The following TBCK variants were observed in gnomAD, a reference collection of about 807,000 sequenced individuals.
TBCK encodes the protein TBC domain-containing protein kinase-like protein.
TBCK carries 99 observed loss-of-function variants against 113.4 expected under a neutral mutation model. That is an observed-to-expected ratio of 0.87 (90% CI 0.74 to 1.03). The LOEUF (loss-of-function observed/expected upper bound fraction) is 1.03. TBCK is among the 50% of genes least tolerant of loss of function. TBCK has a pLI of 0.00. For missense variants in TBCK, 1,045 were observed against 1,061.3 expected, an observed-to-expected ratio of 0.98 and a Z score of 0.21; for synonymous variants, 369 against 370.8, an observed-to-expected ratio of 1.00 and a Z score of 0.05.
At chr4:106,189,644 TAG>T (rs1753438946) in intron 22 of TBCK, among the ~76,000 whole-genome samples, 1 of 152,198 alleles carries the variant, frequency 6.6e-6, no homozygotes, top group African/African-American at 2.4e-5. Flanking sequence ...GAAAAAAATG[TAG>T]AGAGATCAGA....
At chr4:106,120,347 G>A (rs2149583216) in intron 23 of TBCK, among the ~76,000 whole-genome samples, 1 of 152,220 alleles carries the variant, frequency 6.6e-6, no homozygotes, top group East Asian at 1.9e-4. Flanking sequence ...TGCTAGCACA[G>A]CAGTCTGAGA....
At chr4:106,174,503 C>T (rs1253323461) in intron 22 of TBCK, among the ~76,000 whole-genome samples, 2 of 151,976 alleles carry the variant, frequency 1.3e-5, no homozygotes, top group African/African-American at 4.8e-5. Flanking sequence ...ACATGATTTT[C>T]TGTTTCTCTG....
chr4:106,188,933 A>G (rs2149799854), intron 22 of TBCK, among the ~76,000 whole-genome samples: 1 of 152,226 alleles, frequency 6.6e-6, no homozygotes, highest in South Asian at 2.1e-4. Context: ...ATTAGCTTGG[A>G]GGTGATGTAT....
chr4:106,130,728 G>A (rs1745801734), intron 23 of TBCK, among the ~76,000 whole-genome samples: 1 of 151,876 alleles, frequency 6.6e-6, no homozygotes, highest in East Asian at 1.9e-4. Context: ...CATTAATGAT[G>A]AGCTACTTTT....
chr4:106,087,254 TG>T (rs1739622680), intron 25 of TBCK, among the ~76,000 whole-genome samples: 1 of 152,190 alleles, frequency 6.6e-6, no homozygotes, highest in African/African-American at 2.4e-5. Context: ...AAAAAATCAA[TG>T]TGCAAAAATC....
chr4:106,124,171 C>G (rs1431800057), intron 23 of TBCK, among the ~76,000 whole-genome samples: 1 of 152,120 alleles, frequency 6.6e-6, no homozygotes, highest in Non-Finnish European at 1.5e-5. Flanking sequence ...ACAAACAACC[C>G]CATCAACAAG....
intron 24 of TBCK, among the ~76,000 whole-genome samples, chr4:106,108,212 T>A (rs762329778): frequency 1.7e-4 from 26 of 152,146 alleles, no homozygotes; most frequent in Non-Finnish European, 3.4e-4. Context: ...ACTGTGACTA[T>A]TCCAAAAAAA....
intron 23 of TBCK, among the ~76,000 whole-genome samples, chr4:106,143,256 T>C (rs1027052383): frequency 2.0e-5 from 3 of 152,178 alleles, no homozygotes; most frequent in African/African-American, 7.2e-5. Context: ...TCTGGGTGTT[T>C]TTCCTGCCCC....
chr4:106,280,395 A>G (rs570326000), intron 3 of TBCK, among the ~76,000 whole-genome samples: 31 of 152,022 alleles, frequency 2.0e-4, no homozygotes, highest in South Asian at 6.2e-4. Context: ...CACTTTTTAA[A>G]TTGTTTCCTT....
intron 22 of TBCK, among the ~76,000 whole-genome samples, chr4:106,177,622 T>C (rs563274285): frequency 8.9e-4 from 136 of 152,126 alleles, no homozygotes; most frequent in African/African-American, 3.2e-3. Context: ...GGCACCTGTG[T>C]CAAAAGTAAG....
intron 24 of TBCK, among the ~76,000 whole-genome samples, chr4:106,106,356 C>T (rs368917827): frequency 2.4e-4 from 37 of 152,104 alleles, no homozygotes; most frequent in African/African-American, 5.8e-4. Context: ...TTTCCAAGGT[C>T]GAAATGAGAG....
chr4:106,102,621 C>T (rs1315848311), intron 24 of TBCK, among the ~76,000 whole-genome samples: 3 of 150,028 alleles, frequency 2.0e-5, no homozygotes, highest in Non-Finnish European at 4.4e-5. Flanking sequence ...TATTTTTAGA[C>T]ATTAAATCTC....
chr4:106,126,431 T>C lies in TBCK; in HGVS notation c.2236-10053A>G, dbSNP rs144444279. Reference sequence around the variant, plus strand: ...GGAATAAAATAGTATTTCCAAATCATCTACTGTTCATGAGTAACATTGTGC... The same window carrying C: ...GGAATAAAATAGTATTTCCAAATCACCTACTGTTCATGAGTAACATTGTGC... On this transcript the variant is annotated intron_variant, in intron 23 of 25. Transcript: ENST00000394708. 3.9e-4 allele frequency among the ~76,000 whole-genome samples: 59 copies of C among 152,042 alleles called. 2 individuals carry two copies. The East Asian group carries it at 9.6e-3, about 25-fold the overall frequency.
chr4:106,150,653 G>C (rs1748368650), intron 23 of TBCK, among the ~76,000 whole-genome samples: 1 of 151,996 alleles, frequency 6.6e-6, no homozygotes. Context: ...GATAAGCACT[G>C]GGGGTACAGG....
At chr4:106,240,328 C>T (rs1177102106) in intron 12 of TBCK, among the ~76,000 whole-genome samples, 1 of 151,712 alleles carries the variant, frequency 6.6e-6, no homozygotes, top group African/African-American at 2.4e-5. Context: ...TATTCAATAG[C>T]GTTATAGACG....
intron 10 of TBCK, among the ~76,000 whole-genome samples, chr4:106,246,731 T>G (rs189767972): frequency 1.3e-5 from 2 of 152,306 alleles, no homozygotes; most frequent in Admixed American, 1.3e-4. Context: ...TAGAGCTGGC[T>G]GCAATTTGCT....
chr4:106,314,788 C>A (rs1337500722), intron 1 of TBCK, among the ~76,000 whole-genome samples: 1 of 151,788 alleles, frequency 6.6e-6, no homozygotes, highest in African/African-American at 2.4e-5. Context: ...CCACGCCCGG[C>A]TAATTTTTGT....
intron 24 of TBCK, among the ~76,000 whole-genome samples, chr4:106,107,611 A>C (rs1466166102): frequency 2.0e-5 from 3 of 152,218 alleles, no homozygotes. Flanking sequence ...ACATACCAGA[A>C]TCTCTGGGAC....
At chr4:106,264,368 G>A (rs925724517) in intron 3 of TBCK, among the ~76,000 whole-genome samples, 8 of 151,932 alleles carry the variant, frequency 5.3e-5, no homozygotes, top group African/African-American at 1.9e-4. Flanking sequence ...TATGATTCGG[G>A]CAGAGGCCAC....
Sources: allele counts gnomAD v4.1 joint callset (sites outside exome capture counted in the v4.1 genomes callset), GRCh38; gene constraint gnomAD v4.1.1; transcripts MANE v1.5; gene names NCBI Gene and HGNC (gene_info 2026-07-23, HGNC 2026-07-21).